HLCS: variants seen among roughly 807,000 people sequenced by gnomAD.
HLCS encodes holocarboxylase synthetase.
In HLCS, 53 loss-of-function variants were observed where a neutral mutation model predicts 75.0. The ratio of observed to expected loss-of-function variants is 0.71; its 90% CI spans 0.57 to 0.89. The LOEUF (loss-of-function observed/expected upper bound fraction) is 0.89, where lower values mean the gene tolerates loss of function less well. HLCS is among the 40% of genes least tolerant of loss of function. The pLI is 0.00. For synonymous variants in HLCS, 431 were observed against 428.6 expected (o/e 1.01, Z -0.07); for missense variants, 966 against 1,074.0 (o/e 0.90, Z 1.41).
At position 36,846,025 on chromosome 21, in the gene HLCS, C is replaced by A. The variant is rs141968450; in HGVS notation, c.1892+50835G>T. Among the ~76,000 whole-genome samples the A allele has an allele frequency of 1.1e-4, 17 of 152,250 alleles. No individual in the cohort carries two copies. In the East Asian group the frequency reaches 3.3e-3, roughly 29 times the overall value. The stretch of plus-strand genomic sequence containing the variant: ...CCTCATCTATAAAATGGGAATATTG[C>A]CATTTCTAGAGCTCTAAAAGTTGAT... On this transcript the variant is annotated intron_variant, in intron 6 of 10. Transcript: ENST00000674895.
chr21:36,837,972 A>G (rs2062472587), intron 6 of HLCS, among the ~76,000 whole-genome samples: 1 of 152,208 alleles, frequency 6.6e-6, no homozygotes, highest in South Asian at 2.1e-4. Flanking sequence ...TACACTTGAT[A>G]AGTTTCCCAA....
At chr21:36,804,600 A>G (rs1208875462) in intron 6 of HLCS, among the ~76,000 whole-genome samples, 1 of 152,192 alleles carries the variant, frequency 6.6e-6, no homozygotes, top group Non-Finnish European at 1.5e-5. Flanking sequence ...AAGATGTCCT[A>G]TGGAGCTAAA....
intron 6 of HLCS, among the ~76,000 whole-genome samples, chr21:36,813,899 A>C (rs559689856): frequency 2.0e-5 from 3 of 152,326 alleles, no homozygotes; most frequent in Non-Finnish European, 4.4e-5. Flanking sequence ...AATCTGACAT[A>C]ATAAGCCCAA....
At chr21:36,795,661 CA>C (rs1346777439) in intron 6 of HLCS, among the ~76,000 whole-genome samples, 1 of 152,186 alleles carries the variant, frequency 6.6e-6, no homozygotes, top group East Asian at 1.9e-4. Context: ...CCAAGCAGTC[CA>C]ACCCTGTCCT....
Position 36,760,159 on chromosome 21 carries a change from C to T in HLCS, c.2122-318G>A, listed in dbSNP as rs112681986. On this transcript the variant is annotated intron_variant, in intron 8 of 10. Coordinates refer to ENST00000674895, the MANE Select transcript of HLCS (RefSeq NM_001352514.2). ...AAGTTCATTATGTCAGTATCCACCA[C>T]CACCACCACCATGGAGTAGCTAACT... Among the ~76,000 whole-genome samples the T allele has an allele frequency of 5.0e-4, 76 of 152,274 alleles. 1 individual carries two copies. Among genetic ancestry groups the T allele is most frequent in the African/African-American group, 1.5e-3 (61 of 41,548 alleles).
chr21:36,769,870 G>A (rs76954656), intron 6 of HLCS, among the ~76,000 whole-genome samples: 1,741 of 152,266 alleles, frequency 0.011, 16 homozygotes, highest in Admixed American at 0.02. Context: ...TGAAAAATCC[G>A]AATGAACAAA....
intron 6 of HLCS, among the ~76,000 whole-genome samples, chr21:36,880,857 G>A (rs1187372550): frequency 5.3e-5 from 8 of 152,122 alleles, no homozygotes; most frequent in Middle Eastern, 3.2e-3. Context: ...CGTGGGAGCC[G>A]AGGGGCATTT....
chr21:36,825,564 T>C (rs190784926), intron 6 of HLCS, among the ~76,000 whole-genome samples: 200 of 152,272 alleles, frequency 1.3e-3, no homozygotes, highest in Non-Finnish European at 2.0e-3. Context: ...TTAGCCTTCT[T>C]GTTTCCATTA....
chr21:36,825,601 C>T (rs1341575809), intron 6 of HLCS, among the ~76,000 whole-genome samples: 1 of 152,134 alleles, frequency 6.6e-6, no homozygotes, highest in East Asian at 1.9e-4. Context: ...TCTGGTTCTA[C>T]CAACCTTGCT....
chr21:36,796,730 A>G (rs1312708685), intron 6 of HLCS, among the ~76,000 whole-genome samples: 1 of 152,206 alleles, frequency 6.6e-6, no homozygotes, highest in African/African-American at 2.4e-5. Context: ...CTACTGAGGG[A>G]TATGTGGGGG....
At chr21:36,803,971 G>A (rs1161319823) in intron 6 of HLCS, 1 of 152,246 alleles carries the variant, frequency 6.6e-6, no homozygotes, top group African/African-American at 2.4e-5. Flanking sequence ...AGCCAGGAAG[G>A]CAGTTTCCTT....
Position 36,936,661 on chromosome 21 carries a change from C to T in HLCS, c.1225G>A (p.Ala409Thr), listed in dbSNP as rs1312218682. 1 of 1,614,080 alleles carries T rather than the reference C, an allele frequency of 6.2e-7. No homozygotes were observed. The highest frequency in any genetic ancestry group is 8.5e-7 in the Non-Finnish European group (1 of 1,180,040). The change falls in exon 4 of 11, where the codon GCA (alanine) becomes ACA (threonine). Residue 409 changes from alanine to threonine, a missense_variant. Ala to Thr is a moderately conservative substitution (Grantham distance 58). Transcript: ENST00000674895. Reference protein sequence around the residue: ...FGGFQVTSKGALHKTVQNLVF... With the variant: ...FGGFQVTSKGTLHKTVQNLVF... ...AAGTTCTGGACTGTCTTGTGCAGTGCACCCTTGCTTGTCACCTGAAAGCCA... is the reference window on the plus strand; with the variant it reads ...AAGTTCTGGACTGTCTTGTGCAGTGTACCCTTGCTTGTCACCTGAAAGCCA...
intron 10 of HLCS, 119 bp from the exon 11 acceptor site, chr21:36,754,536 G>A (rs1568956960): frequency 7.4e-6 from 8 of 1,079,264 alleles, no homozygotes; most frequent in South Asian, 4.0e-5. Flanking sequence ...GCTGAGGCTC[G>A]CTGCAGGGAA....
At chr21:36,790,344 C>T (rs1265456628) in intron 6 of HLCS, among the ~76,000 whole-genome samples, 1 of 152,156 alleles carries the variant, frequency 6.6e-6, no homozygotes, top group African/African-American at 2.4e-5. Flanking sequence ...GTGAAGGTTA[C>T]AGTGAGCTGA....
chr21:36,800,775 C>T (rs992766795), intron 6 of HLCS, among the ~76,000 whole-genome samples: 3 of 152,144 alleles, frequency 2.0e-5, no homozygotes, highest in Non-Finnish European at 4.4e-5. Flanking sequence ...AATTCTCTTT[C>T]CATCATCTGT....
At chr21:36,933,766 C>T (rs1176008066) in intron 4 of HLCS, among the ~76,000 whole-genome samples, 1 of 152,040 alleles carries the variant, frequency 6.6e-6, no homozygotes, top group Non-Finnish European at 1.5e-5. Flanking sequence ...CCACTAGAGC[C>T]GAAGGGATGA....
At chr21:36,959,828 T>C (rs2068182492) in intron 2 of HLCS, among the ~76,000 whole-genome samples, 1 of 152,142 alleles carries the variant, frequency 6.6e-6, no homozygotes, top group African/African-American at 2.4e-5. Context: ...TGCAGGACAA[T>C]AACTCAGGAC....
At chr21:36,848,627 AT>A (rs367861381) in intron 6 of HLCS, among the ~76,000 whole-genome samples, 18 of 152,136 alleles carry the variant, frequency 1.2e-4, no homozygotes, top group African/African-American at 4.1e-4. Context: ...TATTCCAACT[AT>A]TTTTCCTCCA....
In HLCS at chr21:36,938,979, C is replaced by A. The variant is rs772208790; in HGVS notation, c.346G>T (p.Asp116Tyr). ...CTGCAAGCTAATGGCAAACAACAGT[C>A]TGACCACTTGACAATCTGAGAAAAA... ...SSSETIVKWS[D>Y]CCLPLACRPG... The change falls in exon 3 of 11, where the codon GAC becomes TAC. Residue 116 changes from aspartate to tyrosine, a missense_variant. Coordinates refer to ENST00000674895, the MANE Select transcript of HLCS (RefSeq NM_001352514.2). The A allele has an allele frequency of 2.5e-6, 4 of 1,608,592 alleles. No individual in the cohort carries two copies. In the South Asian group the frequency reaches 3.3e-5, roughly 13 times the overall value.
Sources: gnomAD v4.1 joint callset for allele counts (sites outside exome capture counted in the v4.1 genomes callset) on GRCh38, gnomAD v4.1.1 for gene constraint, MANE v1.5 for transcripts, NCBI Gene and HGNC (gene_info 2026-07-23, HGNC 2026-07-21) for gene names.